Variants in FREM1 observed in about 807,000 individuals in gnomAD.
FREM1 encodes FRAS1 related extracellular matrix 1.
In FREM1, 220 loss-of-function variants were observed where a neutral mutation model predicts 210.1. That is an observed-to-expected ratio of 1.05 (90% CI 0.94 to 1.17). FREM1 has a LOEUF of 1.17. FREM1 is among the 50% of genes most tolerant of loss of function. The pLI is 0.00. For missense variants in FREM1, 3,454 were observed against 2,675.5 expected, an observed-to-expected ratio of 1.29 and a Z score of -6.42; for synonymous variants, 1,189 against 980.2, an observed-to-expected ratio of 1.21 and a Z score of -3.98.
chr9:14,745,773 G>C lies in FREM1; in HGVS notation c.6254+580C>G, dbSNP rs759802759. On this transcript the variant is annotated intron_variant, in intron 35 of 36. Transcript: ENST00000380880. The stretch of plus-strand genomic sequence containing the variant: ...GGATAGGTACATATGCATTTTTAAA[G>C]TCCTTCTGGACTACATACATTGGTT... Among the ~76,000 whole-genome samples, 16 of 152,306 alleles carry C rather than the reference G, an allele frequency of 1.1e-4. No individual in the cohort carries two copies. In the South Asian group the frequency reaches 1.2e-3, roughly 12 times the overall value.
intron 1 of FREM1, among the ~76,000 whole-genome samples, chr9:14,889,332 C>T (rs1836367712): frequency 6.6e-6 from 1 of 152,206 alleles, no homozygotes; most frequent in African/African-American, 2.4e-5. Context: ...ATTCATCTCC[C>T]AAGTGAAATG....
At chr9:14,835,982 G>C (rs112925021) in intron 10 of FREM1, among the ~76,000 whole-genome samples, 2 of 152,298 alleles carry the variant, frequency 1.3e-5, no homozygotes, top group African/African-American at 4.8e-5. Flanking sequence ...AAAGAAAAAA[G>C]GGACGGGTAA....
chr9:14,757,116 C>A (rs561885964), intron 28 of FREM1, among the ~76,000 whole-genome samples: 60 of 152,222 alleles, frequency 3.9e-4, no homozygotes, highest in African/African-American at 1.4e-3. Context: ...AAAACAACAA[C>A]AACAAAAATG....
At chr9:14,807,050 A>G (rs1420702237) in intron 17 of FREM1, among the ~76,000 whole-genome samples, 1 of 152,136 alleles carries the variant, frequency 6.6e-6, no homozygotes, top group East Asian at 1.9e-4. Flanking sequence ...ACTTTGACCT[A>G]TGGAATTATA....
intron 21 of FREM1, among the ~76,000 whole-genome samples, chr9:14,793,557 T>G (rs1010114324): frequency 1.3e-5 from 2 of 152,208 alleles, no homozygotes; most frequent in African/African-American, 4.8e-5. Context: ...TCCTTTACTG[T>G]GCGGTGCTGC....
At chr9:14,760,468 G>A (rs1845289235) in intron 27 of FREM1, among the ~76,000 whole-genome samples, 1 of 152,126 alleles carries the variant, frequency 6.6e-6, no homozygotes, top group South Asian at 2.1e-4. Context: ...ATAAAAAAAG[G>A]ACTCTACTGG....
chr9:14,787,604 C>T (rs1850619155), intron 23 of FREM1, among the ~76,000 whole-genome samples: 1 of 152,102 alleles, frequency 6.6e-6, no homozygotes, highest in African/African-American at 2.4e-5. Flanking sequence ...CCCTAATTTT[C>T]TTCCATATCT....
rs1482447602 is a variant in FREM1 at position 14,806,808 on chromosome 9, G to T, written c.3127C>A (p.Leu1043Ile). The T allele has an allele frequency of 1.2e-6, 2 of 1,607,582 alleles. No individual in the cohort carries two copies. The highest frequency in any genetic ancestry group is 1.1e-5 in the South Asian group (1 of 89,434). The change falls in exon 18 of 37, where the codon CTT becomes ATT. Residue 1043 changes from leucine to isoleucine, a missense_variant. Leu to Ile is a conservative substitution (Grantham distance 5). Transcript: ENST00000380880. ...FVVDEGCSTALTVNHLSATDP... is the reference protein window; with the variant it reads ...FVVDEGCSTAITVNHLSATDP... ...GTGGCGGACAAATGGTTAACAGTAA[G>T]GGCTGTTGAGCAGCCCTCATCTACA...
chr9:14,745,497 G>T (rs147535985), intron 35 of FREM1, among the ~76,000 whole-genome samples: 8 of 152,234 alleles, frequency 5.3e-5, no homozygotes, highest in African/African-American at 7.2e-5. Flanking sequence ...TGTTGAAGTT[G>T]TTTGTATTTT....
intron 1 of FREM1, among the ~76,000 whole-genome samples, chr9:14,880,277 TA>T (rs986376035): frequency 6.6e-6 from 1 of 151,862 alleles, no homozygotes; most frequent in East Asian, 1.9e-4. Context: ...AATATTTTTT[TA>T]AAAAAAGGAA....
At chr9:14,759,539 T>C (rs1363362783) in intron 28 of FREM1, among the ~76,000 whole-genome samples, 2 of 151,112 alleles carry the variant, frequency 1.3e-5, no homozygotes, top group African/African-American at 4.8e-5. Context: ...ATAATATCTC[T>C]TGTGCTAGCT....
chr9:14,871,284 T>G (rs576526151), intron 1 of FREM1, among the ~76,000 whole-genome samples: 42 of 152,266 alleles, frequency 2.8e-4, no homozygotes, highest in South Asian at 8.3e-4. Context: ...GTGTAAAAGT[T>G]TTCCTATTTC....
intron 1 of FREM1, among the ~76,000 whole-genome samples, chr9:14,892,034 G>A (rs1023646723): frequency 5.9e-5 from 9 of 151,926 alleles, no homozygotes; most frequent in Non-Finnish European, 1.3e-4. Context: ...TTACTCTATG[G>A]ACTCACCCTG....
rs1416966469 is a variant in FREM1 at position 14,860,592 on chromosome 9, T to TAC, written c.330-1110_330-1109dup. Among the ~76,000 whole-genome samples the TAC allele has an allele frequency of 9.6e-5, 10 of 103,670 alleles. No homozygotes were observed. In the East Asian group the frequency reaches 1.6e-3, roughly 17 times the overall value. The allele number at this position is 103,670 out of a possible 152,430, so 68.0% of individuals were successfully genotyped here. A position where few individuals can be genotyped will look rare whatever the true frequency, so the allele number is the denominator to read the frequency against. On this transcript the variant is annotated intron_variant, in intron 3 of 36. Coordinates refer to ENST00000380880, the MANE Select transcript of FREM1 (RefSeq NM_001379081.2). ...ATACACATATATATACACATATATA[T>TAC]ACATATATACACATATATACACACA...
In FREM1 at chr9:14,775,796, G is replaced by C; in HGVS notation, c.4850C>G (p.Thr1617Ser). 6.2e-7 allele frequency: 1 copy of C among 1,608,920 alleles called. No individual in the cohort carries two copies. Among genetic ancestry groups the C allele is most frequent in the Non-Finnish European group, 8.5e-7 (1 of 1,176,044 alleles). The change falls in exon 25 of 37, where the codon ACC (threonine) becomes AGC (serine). Residue 1617 changes from threonine (T) to serine (S), a missense_variant. Coordinates refer to ENST00000380880, the MANE Select transcript of FREM1 (RefSeq NM_001379081.2). ...TGTGTTTTTCATACTTGCCTGAATG[G>C]TGAATAAAACAGGTTCTTCCCACAC... ...GRVWEEPVLFTIQVDQLDKTA... is the reference protein window; with the variant it reads ...GRVWEEPVLFSIQVDQLDKTA...
rs767061966 is a variant in FREM1, at chr9:14,759,863, G to A, written c.5243C>T (p.Thr1748Ile). The change falls in exon 28 of 37, where the codon ACC (threonine) becomes ATC (isoleucine). Residue 1748 changes from threonine to isoleucine, a missense_variant. Coordinates refer to ENST00000380880, the MANE Select transcript of FREM1 (RefSeq NM_001379081.2). ...CACATTCTCACAGACTTCATATTCG[G>A]TCTGTGACCATTCAATATGAGACCA... ...LKWSHIEWSQ[T>I]EYEVCENVGL... The A allele has an allele frequency of 9.3e-6, 15 of 1,611,762 alleles. No homozygotes were observed. Among genetic ancestry groups the A allele is most frequent in the Middle Eastern group, 3.3e-4 (2 of 6,078 alleles).
chr9:14,864,203 A>C (rs1208871589), intron 2 of FREM1, among the ~76,000 whole-genome samples: 2 of 152,228 alleles, frequency 1.3e-5, no homozygotes, highest in East Asian at 3.9e-4. Context: ...CCTAGAGTGC[A>C]TTTAAAACAT....
chr9:14,747,190 G>T, intron 33 of FREM1, 74 bp downstream of exon 33: 1 of 1,575,360 alleles, frequency 6.3e-7, no homozygotes, highest in Non-Finnish European at 8.7e-7. Flanking sequence ...AGGCTATTTT[G>T]TGAATTAAGT....
intron 10 of FREM1, among the ~76,000 whole-genome samples, chr9:14,838,705 C>T (rs189998772): frequency 5.1e-4 from 78 of 152,278 alleles, no homozygotes; most frequent in Non-Finnish European, 8.8e-4. Flanking sequence ...TTGTAAGGGT[C>T]TACAATGAGT....
Sources: allele counts gnomAD v4.1 joint callset (sites outside exome capture counted in the v4.1 genomes callset), GRCh38; gene constraint gnomAD v4.1.1; transcripts MANE v1.5; gene names NCBI Gene and HGNC (gene_info 2026-07-23, HGNC 2026-07-21).